Variants in ROBO1 observed in about 807,000 individuals in gnomAD.
ROBO1 encodes the protein roundabout guidance receptor 1, also known as roundabout homolog 1.
ROBO1 carries 149 observed loss-of-function variants against 195.9 expected under a neutral mutation model. That is an observed-to-expected ratio of 0.76 (90% CI 0.67 to 0.87). The LOEUF is 0.87. Ranked by LOEUF, ROBO1 falls within the 40% of genes least tolerant of loss-of-function variation. The pLI, the probability that ROBO1 is intolerant of heterozygous loss-of-function variation, is 0.00. For missense variants in ROBO1, 1,933 were observed against 2,068.3 expected, an observed-to-expected ratio of 0.93 and a Z score of 1.27; for synonymous variants, 816 against 733.2, an observed-to-expected ratio of 1.11 and a Z score of -1.82.
intron 3 of ROBO1, among the ~76,000 whole-genome samples, chr3:78,951,903 T>C (rs1055372646): frequency 4.6e-5 from 7 of 152,096 alleles, no homozygotes; most frequent in African/African-American, 1.7e-4. Flanking sequence ...ACACAGAAAG[T>C]AACCATTTAA....
rs570941298 is a variant in ROBO1 at position 79,429,284 on chromosome 3, T to G, written c.88+160540A>C. 4.6e-5 allele frequency among the ~76,000 whole-genome samples: 7 copies of G among 152,252 alleles called. No individual in the cohort carries two copies. In the South Asian group the frequency reaches 1.0e-3, roughly 23 times the overall value. On this transcript the variant is annotated intron_variant, in intron 2 of 30. Coordinates refer to ENST00000464233, the MANE Select transcript of ROBO1 (RefSeq NM_002941.4). ...TGCTGGTTCATCCTAAAGCATTATG[T>G]CAGAATCCAGTTACATCCACAAAGT... is the stretch of plus-strand genomic sequence containing the variant.
rs547839991 is a variant in ROBO1 at position 79,322,859 on chromosome 3, A to G, written c.89-197320T>C. 2.6e-3 allele frequency among the ~76,000 whole-genome samples: 389 copies of G among 152,328 alleles called. 1 individual carries two copies. Among genetic ancestry groups the G allele is most frequent in the African/African-American group, 9.0e-3 (376 of 41,576 alleles). On this transcript the variant is annotated intron_variant, in intron 2 of 30. Transcript: ENST00000464233. ...CTTGTTTTATAGCACTTCCTAAAGC[A>G]AAAACAAAATAAAATGGACACAATT...
chr3:78,635,740 G>A, intron 23 of ROBO1, 33 bp downstream of exon 23: 1 of 1,583,306 alleles, frequency 6.3e-7, no homozygotes, highest in Non-Finnish European at 8.7e-7. Context: ...GTATCATACA[G>A]AAACAGATGG....
At chr3:79,360,483 G>A (rs1245334975) in intron 2 of ROBO1, among the ~76,000 whole-genome samples, 1 of 151,618 alleles carries the variant, frequency 6.6e-6, no homozygotes, top group Non-Finnish European at 1.5e-5. Flanking sequence ...AATAAATATT[G>A]CAAAAATACT....
At chr3:79,547,184 CAAAA>C (rs1162585941) in intron 2 of ROBO1, among the ~76,000 whole-genome samples, 106 of 23,228 alleles carry the variant, frequency 4.6e-3, no homozygotes, top group African/African-American at 6.8e-3. Flanking sequence ...GACTCCGCCT[CAAAA>C]AAAAAAAAAA....
intron 2 of ROBO1, among the ~76,000 whole-genome samples, chr3:79,348,554 A>G (rs2035219624): frequency 6.6e-6 from 1 of 152,202 alleles, no homozygotes; most frequent in African/African-American, 2.4e-5. Flanking sequence ...ACTTAGAGGC[A>G]GAAGACAAAG....
At chr3:79,746,711 T>G (rs1703891515) in intron 1 of ROBO1, among the ~76,000 whole-genome samples, 1 of 152,052 alleles carries the variant, frequency 6.6e-6, no homozygotes, top group Non-Finnish European at 1.5e-5. Flanking sequence ...ACTTCATTTG[T>G]AAGTTTTATG....
At chr3:78,819,100 CT>C (rs1265991094) in intron 4 of ROBO1, among the ~76,000 whole-genome samples, 2 of 152,094 alleles carry the variant, frequency 1.3e-5, no homozygotes, top group African/African-American at 2.4e-5. Context: ...CAACAGGGGA[CT>C]ACAGTGTTTG....
intron 5 of ROBO1, among the ~76,000 whole-genome samples, chr3:78,726,397 T>A (rs1281003013): frequency 6.6e-6 from 1 of 152,200 alleles, no homozygotes; most frequent in Non-Finnish European, 1.5e-5. Context: ...AAATATTGAT[T>A]TACAGTAGTA....
At chr3:78,627,709 G>A in intron 25 of ROBO1, 140 bp from the exon 26 acceptor site, 1 of 944,792 alleles carries the variant, frequency 1.1e-6, no homozygotes, top group Non-Finnish European at 1.5e-6. Context: ...ATTGAAAAAG[G>A]TTTTACCTCA....
At chr3:79,689,073 C>A (rs113140207) in intron 1 of ROBO1, among the ~76,000 whole-genome samples, 3 of 151,728 alleles carry the variant, frequency 2.0e-5, no homozygotes, top group Non-Finnish European at 4.4e-5. Flanking sequence ...ACTGAACACG[C>A]GTTTTTTATA....
chr3:79,057,323 G>A (rs1010941479), intron 3 of ROBO1, among the ~76,000 whole-genome samples: 1 of 152,040 alleles, frequency 6.6e-6, no homozygotes, highest in African/African-American at 2.4e-5. Flanking sequence ...TTGGGAAAGA[G>A]GATATGTTTA....
chr3:78,974,283 G>A (rs1334060696), intron 3 of ROBO1, among the ~76,000 whole-genome samples: 1 of 151,782 alleles, frequency 6.6e-6, no homozygotes, highest in African/African-American at 2.4e-5. Context: ...GAGGGAGAGA[G>A]AACGAAAGGG....
intron 3 of ROBO1, among the ~76,000 whole-genome samples, chr3:79,035,718 G>A (rs950533233): frequency 2.0e-5 from 3 of 150,284 alleles, no homozygotes; most frequent in Non-Finnish European, 3.0e-5. Context: ...GCAACAGTAC[G>A]AGACTTTATC....
At chr3:79,598,397 C>T (rs762568443) in intron 1 of ROBO1, among the ~76,000 whole-genome samples, 5 of 152,008 alleles carry the variant, frequency 3.3e-5, no homozygotes, top group South Asian at 2.1e-4. Flanking sequence ...TTCTGCTATA[C>T]TCCTAGACTT....
intron 3 of ROBO1, among the ~76,000 whole-genome samples, chr3:79,072,697 T>C (rs1008815394): frequency 1.3e-5 from 2 of 152,010 alleles, no homozygotes; most frequent in African/African-American, 2.4e-5. Flanking sequence ...TTTTATGTAC[T>C]GTATCCATTT....
chr3:79,208,751 T>C (rs1484551805), intron 2 of ROBO1, among the ~76,000 whole-genome samples: 1 of 151,088 alleles, frequency 6.6e-6, no homozygotes, highest in Non-Finnish European at 1.5e-5. Context: ...TGTGTATGTG[T>C]GGTTGGCGGG....
At chr3:79,725,381 C>T (rs1702877727) in intron 1 of ROBO1, among the ~76,000 whole-genome samples, 1 of 151,764 alleles carries the variant, frequency 6.6e-6, no homozygotes, top group African/African-American at 2.4e-5. Flanking sequence ...CGCCCGCCAC[C>T]ACGCCCGGCT....
chr3:79,618,430 G>A (rs1576125890), intron 1 of ROBO1, among the ~76,000 whole-genome samples: 1 of 152,078 alleles, frequency 6.6e-6, no homozygotes, highest in Non-Finnish European at 1.5e-5. Flanking sequence ...CCACCATTGT[G>A]ATTTGTCCTG....
Sources: allele counts gnomAD v4.1 joint callset (sites outside exome capture counted in the v4.1 genomes callset), GRCh38; gene constraint gnomAD v4.1.1; transcripts MANE v1.5; gene names NCBI Gene and HGNC (gene_info 2026-07-23, HGNC 2026-07-21).